The following CAPZB variants were observed in gnomAD, a reference collection of about 807,000 sequenced individuals.
CAPZB encodes the protein F-actin-capping protein subunit beta.
A neutral mutation model predicts 38.1 loss-of-function variants in CAPZB; 2 were observed. The ratio of observed to expected loss-of-function variants is 0.05; its 90% CI spans 0.02 to 0.17. The LOEUF (loss-of-function observed/expected upper bound fraction) is 0.17. CAPZB is among the 10% of genes least tolerant of loss of function. CAPZB has a pLI of 1.00. For missense variants in CAPZB, 161 were observed against 334.2 expected (o/e 0.48, Z 4.04); for synonymous variants, 107 against 127.4 (o/e 0.84, Z 1.08).
intron 1 of CAPZB, among the ~76,000 whole-genome samples, chr1:19,472,878 C>T (rs767835661): frequency 1.3e-4 from 20 of 152,002 alleles, no homozygotes; most frequent in Non-Finnish European, 2.1e-4. Context: ...CCATCACACC[C>T]GGCTAATTTT....
chr1:19,396,921 C>T (rs2094273893), intron 2 of CAPZB, among the ~76,000 whole-genome samples: 1 of 151,956 alleles, frequency 6.6e-6, no homozygotes, highest in Non-Finnish European at 1.5e-5. Flanking sequence ...CCACTACACT[C>T]CAGCCTGGGT....
intron 2 of CAPZB, among the ~76,000 whole-genome samples, chr1:19,389,148 G>C (rs1338340051): frequency 6.6e-6 from 1 of 152,052 alleles, no homozygotes; most frequent in Admixed American, 6.5e-5. Context: ...CACAGACTTG[G>C]ACCACAGCAG....
intron 2 of CAPZB, among the ~76,000 whole-genome samples, chr1:19,411,470 T>C (rs975669302): frequency 2.0e-5 from 3 of 152,236 alleles, no homozygotes; most frequent in African/African-American, 7.2e-5. Flanking sequence ...ATTACTGTTC[T>C]AGGACAGCTC....
At chr1:19,433,004 G>A (rs767090792) in intron 1 of CAPZB, among the ~76,000 whole-genome samples, 34 of 152,128 alleles carry the variant, frequency 2.2e-4, no homozygotes, top group Non-Finnish European at 4.6e-4. Flanking sequence ...TGGATTTGTC[G>A]AAAACAAGAA....
Position 19,344,425 on chromosome 1 carries a change from T to A in CAPZB, c.664A>T (p.Asn222Tyr). The change falls in exon 8 of 9, where the codon AAT becomes TAT. Residue 222 changes from asparagine to tyrosine, a missense_variant. Transcript: ENST00000264202. ...NIGRLVEDME[N>Y]KIRSTLNEIY... ...TCGTTCAGCGTACTTCTGATTTTAT[T>A]TTCCATGTCCTGGAAGGGAGGTCGG... 6.2e-7 allele frequency: 1 copy of A among 1,614,098 alleles called. No individual in the cohort carries two copies. Among genetic ancestry groups the A allele is most frequent in the Non-Finnish European group, 8.5e-7 (1 of 1,179,924 alleles).
chr1:19,469,621 G>A (rs936448374), intron 1 of CAPZB, among the ~76,000 whole-genome samples: 1 of 152,008 alleles, frequency 6.6e-6, no homozygotes, highest in Admixed American at 6.6e-5. Flanking sequence ...CGGCCACGGA[G>A]AGAGCATTTG....
intron 8 of CAPZB, chr1:19,342,713 T>G: frequency 7.5e-7 from 1 of 1,327,826 alleles, no homozygotes; most frequent in Non-Finnish European, 1.1e-6. Flanking sequence ...GTGAGTCCTG[T>G]TTTAGTGGGG....
rs1224600901 is a variant in CAPZB, at chr1:19,356,262, G to C, written c.588+373C>G. 6.6e-6 allele frequency among the ~76,000 whole-genome samples: 1 copy of C among 152,228 alleles called. No homozygotes were observed. The highest frequency in any genetic ancestry group is 2.4e-5 in the African/African-American group (1 of 41,470). On this transcript the variant is annotated intron_variant, in intron 6 of 8. Transcript: ENST00000264202. The surrounding 1 kb of genome is among the most constrained non-coding windows in gnomAD (Gnocchi z 4.3). Reference sequence around the variant, plus strand: ...CAGACACTCTGAGCTCAGGTAAGCTGCTCCCAGAGAGCTGGCCTGACTGAT... The same window carrying C: ...CAGACACTCTGAGCTCAGGTAAGCTCCTCCCAGAGAGCTGGCCTGACTGAT...
Position 19,357,506 on chromosome 1 carries a change from A to G in CAPZB, c.387T>C (p.Ala129=). The G allele has an allele frequency of 6.2e-7, 1 of 1,613,922 alleles. No individual in the cohort carries two copies. Among genetic ancestry groups the G allele is most frequent in the African/African-American group, 1.3e-5 (1 of 75,058 alleles). The part of the protein sequence containing the change: ...VYLWDLDHGF[A]GVILIKKAGD... Reference sequence around the variant, plus strand: ...CAGCCTTCTTTATGAGGATCACTCCAGCAAAGCCATGATCCAGATCCCAGA... The same window carrying G: ...CAGCCTTCTTTATGAGGATCACTCCGGCAAAGCCATGATCCAGATCCCAGA... The change falls in exon 5 of 9, where the codon GCT becomes GCC. Residue 129 remains alanine (A), a synonymous_variant. Transcript: ENST00000264202. This position sits in a 1 kb window ranked among gnomAD's most constrained non-coding sequence, Gnocchi z 4.3.
chr1:19,452,328 T>C (rs547419331), intron 1 of CAPZB, among the ~76,000 whole-genome samples: 4 of 152,312 alleles, frequency 2.6e-5, no homozygotes, highest in South Asian at 2.1e-4. Context: ...TTGTTGATCA[T>C]TGCCCCCACT....
At chr1:19,483,995 GGAA>G (rs2094640528) in intron 1 of CAPZB, among the ~76,000 whole-genome samples, 3 of 152,318 alleles carry the variant, frequency 2.0e-5, no homozygotes, top group Admixed American at 1.3e-4. Flanking sequence ...GATCCTGTCA[GGAA>G]GAAGTTCTCT....
At chr1:19,395,758 C>A (rs565764946) in intron 2 of CAPZB, among the ~76,000 whole-genome samples, 1 of 152,194 alleles carries the variant, frequency 6.6e-6, no homozygotes, top group Non-Finnish European at 1.5e-5. Flanking sequence ...TCTAAGCTCC[C>A]GGCTGCTTTT....
chr1:19,424,612 A>G (rs1169369061), intron 1 of CAPZB: 1 of 152,374 alleles, frequency 6.6e-6, no homozygotes, highest in Non-Finnish European at 1.5e-5. Flanking sequence ...TACAAGGAAG[A>G]GCAAGTAAAG....
chr1:19,418,002 C>T lies in CAPZB; in HGVS notation c.93+1659G>A, dbSNP rs563956189. On this transcript the variant is annotated intron_variant, in intron 2 of 8. Coordinates refer to ENST00000264202, the MANE Select transcript of CAPZB (RefSeq NM_004930.5). ...AAACACAAAATTAGCTGGGCACGGT[C>T]GTGGGCGCCTGTAATCCCAGCTACT... Among the ~76,000 whole-genome samples, 59 of 151,492 alleles carry T rather than the reference C, an allele frequency of 3.9e-4. 1 individual carries two copies. Among genetic ancestry groups the T allele is most frequent in the South Asian group, 3.1e-3 (15 of 4,782 alleles).
Position 19,356,666 on chromosome 1 carries a change from G to A in CAPZB, c.557C>T (p.Thr186Ile). 1.2e-6 allele frequency: 2 copies of A among 1,613,990 alleles called. No individual in the cohort carries two copies. Among genetic ancestry groups the A allele is most frequent in the Non-Finnish European group, 1.7e-6 (2 of 1,179,882 alleles). ...GGTAAGGCTGCCTCCGAGGTTCATGGTGCCAGAGCCAGATTTGTTGGTCTG... is the reference window on the plus strand; with the variant it reads ...GGTAAGGCTGCCTCCGAGGTTCATGATGCCAGAGCCAGATTTGTTGGTCTG... ...WLQTNKSGSG[T>I]MNLGGSLTRQ... Residue 186 changes from threonine (T) to isoleucine (I), a missense_variant, in exon 6 of 9, where the codon ACC (threonine) becomes ATC (isoleucine). By Grantham distance (89) the Thr-to-Ile change is moderately conservative (BLOSUM62 -1). Coordinates refer to ENST00000264202, the MANE Select transcript of CAPZB (RefSeq NM_004930.5). This position sits in a 1 kb window ranked among gnomAD's most constrained non-coding sequence, Gnocchi z 4.3.
intron 1 of CAPZB, among the ~76,000 whole-genome samples, chr1:19,454,266 A>G (rs951149749): frequency 1.3e-5 from 2 of 152,336 alleles, no homozygotes; most frequent in Admixed American, 1.3e-4. Context: ...ACTCACAGGT[A>G]GGCTAAGGCA....
chr1:19,415,930 T>C (rs1459479724), intron 2 of CAPZB, among the ~76,000 whole-genome samples: 1 of 152,246 alleles, frequency 6.6e-6, no homozygotes, highest in Non-Finnish European at 1.5e-5. Flanking sequence ...ACATTCCTCA[T>C]ACTTCAATTA....
intron 1 of CAPZB, among the ~76,000 whole-genome samples, chr1:19,421,894 A>G (rs2094402604): frequency 6.6e-6 from 1 of 152,152 alleles, no homozygotes; most frequent in Non-Finnish European, 1.5e-5. Context: ...AGTGCATACA[A>G]ATAAACATAC....
chr1:19,429,193 T>G (rs1284474556), intron 1 of CAPZB, among the ~76,000 whole-genome samples: 1 of 152,152 alleles, frequency 6.6e-6, no homozygotes, highest in Non-Finnish European at 1.5e-5. Flanking sequence ...TCTGCCAGGC[T>G]GTCAGCTACA....
Sources: allele counts gnomAD v4.1 joint callset (sites outside exome capture counted in the v4.1 genomes callset), GRCh38; gene constraint gnomAD v4.1.1; non-coding constraint Gnocchi (gnomAD v3.1); transcripts MANE v1.5; gene names NCBI Gene and HGNC (gene_info 2026-07-23, HGNC 2026-07-21).